SLC9A7: variants seen among roughly 807,000 people sequenced by gnomAD.
SLC9A7 encodes the protein solute carrier family 9 member A7.
In SLC9A7, 19 loss-of-function variants were observed where a neutral mutation model predicts 52.6. That is an observed-to-expected ratio of 0.36 (90% confidence interval 0.25 to 0.53). The LOEUF (loss-of-function observed/expected upper bound fraction) is 0.53, where lower values mean the gene tolerates loss of function less well. Ranked by LOEUF, SLC9A7 falls within the 20% of genes least tolerant of loss-of-function variation. The probability of loss-of-function intolerance (pLI) is 0.91; values close to 1 mark genes in which losing one functional copy is unlikely to be tolerated. For synonymous variants in SLC9A7, 226 were observed against 252.1 expected (o/e 0.90, Z 0.98); for missense variants, 455 against 597.9 (o/e 0.76, Z 2.49).
chrX:46,600,673 T>TGAC lies in SLC9A7; in HGVS notation c.*6276_*6278dup, dbSNP rs771824703. On this transcript the variant is annotated 3_prime_UTR_variant, in exon 17 of 17. Transcript: ENST00000616978. ...ATTTTTTAAAAATGTCTATGAAAAT[T>TGAC]GACACTGGAAAAAACTGTTTATCTC... The TGAC allele has an allele frequency of 2.8e-4, 32 of 112,514 alleles. No individual in the cohort carries two copies. The highest frequency in any genetic ancestry group is 8.0e-4 in the African/African-American group (25 of 31,068). The allele number at this position is 112,514 out of a possible 1,213,427, so 9.3% of individuals were successfully genotyped here.
intron 12 of SLC9A7, among the ~76,000 whole-genome samples, chrX:46,638,332 C>T (rs913155924): frequency 1.8e-5 from 2 of 111,603 alleles, no homozygotes; most frequent in Non-Finnish European, 3.8e-5. Context: ...AACGAGCTGA[C>T]ACATATATAT....
chrX:46,751,801 C>G (rs1436667772), intron 1 of SLC9A7, among the ~76,000 whole-genome samples: 1 of 110,611 alleles, frequency 9.0e-6, no homozygotes, highest in Non-Finnish European at 1.9e-5. Context: ...CACAGTGAGA[C>G]CCTGTCTCAA....
intron 16 of SLC9A7, among the ~76,000 whole-genome samples, chrX:46,611,467 C>G (rs1324994121): frequency 8.9e-6 from 1 of 112,160 alleles, no homozygotes; most frequent in Admixed American, 9.4e-5. Flanking sequence ...TGGGGAGGAG[C>G]CGTGGGTGTT....
chrX:46,710,704 A>T (rs759192518), intron 1 of SLC9A7, among the ~76,000 whole-genome samples: 1 of 112,205 alleles, frequency 8.9e-6, no homozygotes, highest in Admixed American at 9.5e-5. Context: ...GATAAAGGAA[A>T]GGATACAGTG....
At chrX:46,716,458 G>A (rs973598435) in intron 1 of SLC9A7, among the ~76,000 whole-genome samples, 3 of 111,905 alleles carry the variant, frequency 2.7e-5, no homozygotes, top group Non-Finnish European at 3.8e-5. Context: ...ATCCTCTTCA[G>A]TAAGACCAGA....
chrX:46,732,807 C>T (rs1194151583), intron 1 of SLC9A7, among the ~76,000 whole-genome samples: 2 of 111,692 alleles, frequency 1.8e-5, no homozygotes, highest in East Asian at 2.8e-4. Context: ...TGTTCGATTA[C>T]TATAAGAAAC....
chrX:46,640,856 A>G (rs746047522), intron 12 of SLC9A7, among the ~76,000 whole-genome samples: 1 of 112,530 alleles, frequency 8.9e-6, no homozygotes, highest in East Asian at 2.8e-4. Context: ...ACCTATTGGA[A>G]CAGCTGAAAT....
intron 1 of SLC9A7, among the ~76,000 whole-genome samples, chrX:46,718,623 A>G (rs971627971): frequency 8.9e-6 from 1 of 112,519 alleles, no homozygotes; most frequent in African/African-American, 3.2e-5. Context: ...AACCCCATCA[A>G]TAAGTGGGTG....
Position 46,758,883 on chromosome X carries a change from C to T in SLC9A7, c.147G>A (p.Glu49=). The T allele has an allele frequency of 8.4e-7, 1 of 1,188,327 alleles. No individual in the cohort carries two copies. Among genetic ancestry groups the T allele is most frequent in the East Asian group, 3.1e-5 (1 of 31,905 alleles). The change falls in exon 1 of 17, where the codon GAG becomes GAA. Residue 49 remains glutamate (E), a synonymous_variant. Transcript: ENST00000616978. The stretch of plus-strand genomic sequence containing the variant: ...CGAGCTCCTCCATGGCGCTGCTGTC[C>T]TCCGCCGCCGCCCCAGAGGAGGAGG... ...ASASSSGAAA[E]DSSAMEELAT...
At chrX:46,661,949 T>C in intron 7 of SLC9A7, 67 bp downstream of exon 7, 1 of 1,004,424 alleles carries the variant, frequency 1.0e-6, no homozygotes, top group African/African-American at 2.0e-5. Flanking sequence ...AGCTGAGAAC[T>C]TTCTTTTTGA....
At chrX:46,707,778 C>T (rs1243628695) in intron 1 of SLC9A7, among the ~76,000 whole-genome samples, 1 of 112,263 alleles carries the variant, frequency 8.9e-6, no homozygotes, top group African/African-American at 3.2e-5. Context: ...CTCTTTCTGT[C>T]GTCCAGGCTG....
intron 15 of SLC9A7, among the ~76,000 whole-genome samples, chrX:46,620,625 A>G (rs1162514504): frequency 9.0e-6 from 1 of 111,600 alleles, no homozygotes; most frequent in Non-Finnish European, 1.9e-5. Context: ...ATATGGATTA[A>G]CAGCTGAAGT....
intron 1 of SLC9A7, among the ~76,000 whole-genome samples, chrX:46,694,174 A>C (rs1944417942): frequency 9.2e-6 from 1 of 108,803 alleles, no homozygotes; most frequent in African/African-American, 3.4e-5. Context: ...GTCAAAATTA[A>C]AAAAAAAGAA....
intron 11 of SLC9A7, among the ~76,000 whole-genome samples, chrX:46,646,224 C>T (rs1161344215): frequency 9.0e-6 from 1 of 111,037 alleles, no homozygotes; most frequent in Admixed American, 9.6e-5. Context: ...GGCTCTCTTG[C>T]TTCTCCTCAT....
chrX:46,692,308 A>AT (rs1944391536), intron 1 of SLC9A7, among the ~76,000 whole-genome samples: 1 of 111,461 alleles, frequency 9.0e-6, no homozygotes, highest in African/African-American at 3.3e-5. Flanking sequence ...CATTAGGAAG[A>AT]TTTTTTTCAG....
intron 15 of SLC9A7, among the ~76,000 whole-genome samples, chrX:46,619,736 CTT>C (rs111516945): frequency 5.1e-5 from 5 of 98,081 alleles, no homozygotes; most frequent in Non-Finnish European, 2.0e-5. Context: ...TTCTTTCTTT[CTT>C]TTTTTTTTTT....
chrX:46,673,789 G>A (rs1372920234), intron 3 of SLC9A7, among the ~76,000 whole-genome samples: 1 of 111,217 alleles, frequency 9.0e-6, no homozygotes, highest in Admixed American at 9.6e-5. Context: ...CCCAGTGCTT[G>A]CCCCTATCTG....
chrX:46,731,608 AAATTT>A (rs1945042120), intron 1 of SLC9A7, among the ~76,000 whole-genome samples: 1 of 109,282 alleles, frequency 9.2e-6, no homozygotes, highest in African/African-American at 3.3e-5. Context: ...TAAAAAATAA[AAATTT>A]AATAAAAATT....
intron 12 of SLC9A7, among the ~76,000 whole-genome samples, chrX:46,640,245 GA>G (rs2047199657): frequency 8.9e-6 from 1 of 112,269 alleles, no homozygotes; most frequent in Admixed American, 9.4e-5. Context: ...AGTGCAGAAA[GA>G]CACCCCCATG....
Sources: allele counts gnomAD v4.1 joint callset (sites outside exome capture counted in the v4.1 genomes callset), GRCh38; gene constraint gnomAD v4.1.1; transcripts MANE v1.5; gene names NCBI Gene and HGNC (gene_info 2026-07-23, HGNC 2026-07-21).